LRRC4C: variants seen among roughly 807,000 people sequenced by gnomAD.
The protein encoded by LRRC4C is leucine rich repeat containing 4C.
A neutral mutation model predicts 33.6 loss-of-function variants in LRRC4C; 5 were observed. The ratio of observed to expected loss-of-function variants is 0.15; its 90% CI spans 0.08 to 0.31. The LOEUF (loss-of-function observed/expected upper bound fraction) is 0.31, where lower values mean the gene tolerates loss of function less well. Among genes scored for constraint, LRRC4C ranks in the 10% least tolerant of loss-of-function variants. The pLI is 1.00. For missense variants in LRRC4C, 560 were observed against 796.7 expected, an observed-to-expected ratio of 0.70 and a Z score of 3.58; for synonymous variants, 329 against 302.0, an observed-to-expected ratio of 1.09 and a Z score of -0.93.
At chr11:41,014,628 C>T (rs1855450844) in intron 1 of LRRC4C, among the ~76,000 whole-genome samples, 1 of 151,938 alleles carries the variant, frequency 6.6e-6, no homozygotes, top group Admixed American at 6.6e-5. Context: ...AATAAGCCTG[C>T]CAAATACGTA....
At chr11:41,240,386 A>G (rs11036309) in intron 1 of LRRC4C, among the ~76,000 whole-genome samples, 27,107 of 152,128 alleles carry the variant, frequency 0.18, 3,017 homozygotes, top group East Asian at 0.44. Context: ...GAACTGTGAA[A>G]AAGATCAATT....
chr11:40,696,035 A>T (rs1328999979), intron 2 of LRRC4C, among the ~76,000 whole-genome samples: 1 of 135,732 alleles, frequency 7.4e-6, no homozygotes, highest in Non-Finnish European at 1.5e-5. Context: ...GTGTGTGTAT[A>T]TATATATGTG....
At chr11:40,764,791 C>T (rs1356324001) in intron 2 of LRRC4C, among the ~76,000 whole-genome samples, 1 of 152,034 alleles carries the variant, frequency 6.6e-6, no homozygotes, top group Non-Finnish European at 1.5e-5. Flanking sequence ...GAATTTCTGC[C>T]TAGTAATCCA....
chr11:40,703,524 G>A (rs1945987675), intron 2 of LRRC4C, among the ~76,000 whole-genome samples: 1 of 152,106 alleles, frequency 6.6e-6, no homozygotes, highest in Non-Finnish European at 1.5e-5. Context: ...TGGCAGCACT[G>A]AACTCCAGCC....
intron 1 of LRRC4C, among the ~76,000 whole-genome samples, chr11:41,454,742 A>C (rs929109631): frequency 3.3e-5 from 5 of 152,152 alleles, no homozygotes; most frequent in Non-Finnish European, 7.4e-5. Context: ...AATTTACAGA[A>C]ATACAGCTTT....
intron 1 of LRRC4C, among the ~76,000 whole-genome samples, chr11:41,041,753 A>T (rs1470194612): frequency 1.3e-5 from 2 of 152,088 alleles, no homozygotes; most frequent in East Asian, 3.9e-4. Context: ...AAACACACTA[A>T]CAGACTGGAA....
At position 40,932,305 on chromosome 11, in the gene LRRC4C, G is replaced by A. The variant is rs12575353; in HGVS notation, c.-407+1330C>T. On this transcript the variant is annotated intron_variant, in intron 2 of 6. Transcript: ENST00000528697. ...CTGTGTTAGATACTGGAAATGCAATGCACAATGAAACAAAAATAGATCCTT... is the reference window on the plus strand; with the variant it reads ...CTGTGTTAGATACTGGAAATGCAATACACAATGAAACAAAAATAGATCCTT... Among the ~76,000 whole-genome samples, 56 of 151,844 alleles carry A rather than the reference G, an allele frequency of 3.7e-4. No homozygotes were observed. In the East Asian group the frequency reaches 0.01, roughly 28 times the overall value.
At chr11:40,454,568 T>A (rs1952045842) in intron 3 of LRRC4C, among the ~76,000 whole-genome samples, 1 of 152,184 alleles carries the variant, frequency 6.6e-6, no homozygotes, top group Non-Finnish European at 1.5e-5. Flanking sequence ...ATTCAACAAC[T>A]TCTTAGCTCT....
intron 3 of LRRC4C, among the ~76,000 whole-genome samples, chr11:40,626,547 C>T (rs1962946832): frequency 6.6e-6 from 1 of 152,060 alleles, no homozygotes; most frequent in African/African-American, 2.4e-5. Flanking sequence ...TCCTCTTTTA[C>T]CAAGCACTGT....
At chr11:40,665,731 A>C (rs1413719255) in intron 2 of LRRC4C, among the ~76,000 whole-genome samples, 1 of 152,072 alleles carries the variant, frequency 6.6e-6, no homozygotes, top group Non-Finnish European at 1.5e-5. Flanking sequence ...AGGAAAATGA[A>C]GATCTCTATT....
intron 1 of LRRC4C, among the ~76,000 whole-genome samples, chr11:41,321,005 G>A (rs1950942854): frequency 6.6e-6 from 1 of 152,150 alleles, no homozygotes; most frequent in Non-Finnish European, 1.5e-5. Flanking sequence ...GCAAGGAAAA[G>A]CAAGTTTCCT....
intron 3 of LRRC4C, among the ~76,000 whole-genome samples, chr11:40,339,680 C>T (rs1022274975): frequency 6.6e-6 from 1 of 152,058 alleles, no homozygotes; most frequent in Non-Finnish European, 1.5e-5. Flanking sequence ...TGGTTTGTGG[C>T]AGAAAATTTT....
intron 3 of LRRC4C, among the ~76,000 whole-genome samples, chr11:40,643,385 G>T (rs1404241843): frequency 6.6e-6 from 1 of 152,000 alleles, no homozygotes; most frequent in Non-Finnish European, 1.5e-5. Context: ...CTATGACAAG[G>T]TCCCCCCAAT....
intron 3 of LRRC4C, among the ~76,000 whole-genome samples, chr11:40,642,408 C>T (rs990582339): frequency 2.0e-5 from 3 of 152,052 alleles, no homozygotes; most frequent in African/African-American, 7.2e-5. Context: ...GATTACTTCC[C>T]ATCAGCTGAA....
At chr11:40,267,116 CTT>C (rs1942331234) in intron 4 of LRRC4C, among the ~76,000 whole-genome samples, 1 of 152,044 alleles carries the variant, frequency 6.6e-6, no homozygotes, top group Admixed American at 6.6e-5. Context: ...CTGGTTCTCT[CTT>C]ATCACTAGTT....
At chr11:40,886,969 C>CGTGTGTGTATATATACAT (rs1955493534) in intron 2 of LRRC4C, among the ~76,000 whole-genome samples, 7 of 145,208 alleles carry the variant, frequency 4.8e-5, no homozygotes, top group Non-Finnish European at 4.5e-5. Flanking sequence ...TATATATATA[C>CGTGTGTGTATATATACAT]ATATATATAT....
At chr11:40,849,388 C>T (rs1323732602) in intron 2 of LRRC4C, among the ~76,000 whole-genome samples, 1 of 152,120 alleles carries the variant, frequency 6.6e-6, no homozygotes, top group Admixed American at 6.5e-5. Context: ...TTTATTTCCC[C>T]TTCACTTATG....
rs149352689 is a variant in LRRC4C at position 41,332,101 on chromosome 11, C to T, written c.-496+127330G>A. Among the ~76,000 whole-genome samples, 61 of 152,204 alleles carry T rather than the reference C, an allele frequency of 4.0e-4. No homozygotes were observed. In the East Asian group the frequency reaches 9.5e-3, roughly 24 times the overall value. Reference sequence around the variant, plus strand: ...CTTGTTCACTGCCATAACCCCGGGACTTAGAACAGTACCTTTCACAGAGTC... The same window carrying T: ...CTTGTTCACTGCCATAACCCCGGGATTTAGAACAGTACCTTTCACAGAGTC... On this transcript the variant is annotated intron_variant, in intron 1 of 6. Coordinates refer to ENST00000528697, the MANE Select transcript of LRRC4C (RefSeq NM_001258419.2).
intron 5 of LRRC4C, among the ~76,000 whole-genome samples, chr11:40,233,249 T>C (rs1865331274): frequency 1.3e-5 from 2 of 152,280 alleles, no homozygotes; most frequent in South Asian, 4.1e-4. Context: ...CCTACATGAG[T>C]GGGGTTTGTC....
Sources: gnomAD v4.1 joint callset for allele counts (sites outside exome capture counted in the v4.1 genomes callset) on GRCh38, gnomAD v4.1.1 for gene constraint, MANE v1.5 for transcripts, NCBI Gene and HGNC (gene_info 2026-07-23, HGNC 2026-07-21) for gene names.